IL1RAPL2: variants seen among roughly 807,000 people sequenced by gnomAD.
IL1RAPL2 encodes interleukin 1 receptor accessory protein like 2.
In IL1RAPL2, 3 loss-of-function variants were observed where a neutral mutation model predicts 44.1. The observed-to-expected ratio is 0.07, with a 90% CI of 0.03 to 0.18. The LOEUF (loss-of-function observed/expected upper bound fraction) is 0.18. Among genes scored for constraint, IL1RAPL2 ranks in the 10% least tolerant of loss-of-function variants. IL1RAPL2 has a pLI of 1.00. For missense variants in IL1RAPL2, 391 were observed against 496.4 expected, an observed-to-expected ratio of 0.79 and a Z score of 2.02; for synonymous variants, 181 against 178.8, an observed-to-expected ratio of 1.01 and a Z score of -0.10.
chrX:104,919,754 T>A (rs1924579026), intron 2 of IL1RAPL2, among the ~76,000 whole-genome samples: 1 of 105,429 alleles, frequency 9.5e-6, no homozygotes, highest in Non-Finnish European at 1.9e-5. Flanking sequence ...TTGGCCAGGC[T>A]GGTCTCAAAC....
chrX:105,367,333 C>T (rs1376192425), intron 5 of IL1RAPL2, among the ~76,000 whole-genome samples: 1 of 111,319 alleles, frequency 9.0e-6, no homozygotes, highest in African/African-American at 3.3e-5. Flanking sequence ...AACTTAAGTC[C>T]TTACCTATCA....
chrX:105,398,133 T>C lies in IL1RAPL2; in HGVS notation c.698-86180T>C, dbSNP rs1197964801. On this transcript the variant is annotated intron_variant, in intron 5 of 10. Coordinates refer to ENST00000372582, the MANE Select transcript of IL1RAPL2 (RefSeq NM_017416.2). ...TTGTTTTCCAACATGCTGCAGACAC[T>C]TGATATACAACCTTTTATTTTTTTA... Among the ~76,000 whole-genome samples the C allele has an allele frequency of 2.7e-5, 3 of 111,639 alleles. No individual in the cohort carries two copies. In the South Asian group the frequency reaches 1.1e-3, roughly 42 times the overall value.
intron 2 of IL1RAPL2, among the ~76,000 whole-genome samples, chrX:104,740,962 T>C (rs1252770119): frequency 9.0e-6 from 1 of 111,563 alleles, no homozygotes; most frequent in Non-Finnish European, 1.9e-5. Flanking sequence ...AACTCCAGTC[T>C]ACATTAAGAA....
rs139476053 is a variant in IL1RAPL2 at position 104,860,999 on chromosome X, T to C, written c.82+202004T>C. 4.5e-5 allele frequency among the ~76,000 whole-genome samples: 5 copies of C among 111,169 alleles called. No individual in the cohort carries two copies. The East Asian group carries it at 1.4e-3, about 31-fold the overall frequency. On this transcript the variant is annotated intron_variant, in intron 2 of 10. Transcript: ENST00000372582. ...CTTGGTGCATATGATCTGGCAAATA[T>C]GAACTTGACTTCTGCCTAGTATTTT...
chrX:105,059,453 G>A (rs2032042909), intron 2 of IL1RAPL2, among the ~76,000 whole-genome samples: 2 of 112,338 alleles, frequency 1.8e-5, no homozygotes, highest in Admixed American at 1.9e-4. Flanking sequence ...CAAATGACAG[G>A]ATCACATTCT....
intron 6 of IL1RAPL2, among the ~76,000 whole-genome samples, chrX:105,650,280 CT>C (rs2037634169): frequency 8.9e-6 from 1 of 111,820 alleles, no homozygotes; most frequent in Non-Finnish European, 1.9e-5. Context: ...AAAATTGCCC[CT>C]AACAGAGAGC....
At chrX:105,383,352 A>AAT (rs1202033842) in intron 5 of IL1RAPL2, among the ~76,000 whole-genome samples, 2 of 111,238 alleles carry the variant, frequency 1.8e-5, no homozygotes, top group Non-Finnish European at 3.8e-5. Flanking sequence ...GAGAACGTAC[A>AAT]ATATTTGTCT....
chrX:104,884,376 G>A (rs1169691421), intron 2 of IL1RAPL2, among the ~76,000 whole-genome samples: 1 of 111,993 alleles, frequency 8.9e-6, no homozygotes, highest in Non-Finnish European at 1.9e-5. Flanking sequence ...TTCTGCTGCT[G>A]CGTCAGTGAG....
At chrX:105,441,138 C>T (rs769240094) in intron 5 of IL1RAPL2, among the ~76,000 whole-genome samples, 1 of 111,881 alleles carries the variant, frequency 8.9e-6, no homozygotes, top group South Asian at 3.7e-4. Context: ...ACGTAAAGTG[C>T]TAGTAATTAC....
intron 5 of IL1RAPL2, among the ~76,000 whole-genome samples, chrX:105,447,340 AAT>A (rs1466918991): frequency 4.9e-5 from 3 of 61,008 alleles, no homozygotes; most frequent in Admixed American, 3.0e-4. Context: ...TAAAAATATA[AAT>A]ATATAAATAT....
intron 2 of IL1RAPL2, among the ~76,000 whole-genome samples, chrX:105,147,907 A>G (rs1229223832): frequency 2.7e-5 from 3 of 111,226 alleles, no homozygotes; most frequent in Non-Finnish European, 5.7e-5. Context: ...CGAGACTGCT[A>G]TAGAAAACAA....
At chrX:104,814,605 A>G (rs1921087327) in intron 2 of IL1RAPL2, among the ~76,000 whole-genome samples, 1 of 111,681 alleles carries the variant, frequency 9.0e-6, no homozygotes, top group African/African-American at 3.3e-5. Flanking sequence ...TCCCACTACC[A>G]TTTCTTTGAT....
intron 2 of IL1RAPL2, among the ~76,000 whole-genome samples, chrX:104,750,439 G>A (rs1932240117): frequency 9.0e-6 from 1 of 110,658 alleles, no homozygotes; most frequent in Non-Finnish European, 1.9e-5. Flanking sequence ...CATTTGAGGA[G>A]CTCCAAAAAC....
chrX:104,988,128 G>T (rs1230900935), intron 2 of IL1RAPL2, among the ~76,000 whole-genome samples: 1 of 112,140 alleles, frequency 8.9e-6, no homozygotes, highest in African/African-American at 3.2e-5. Flanking sequence ...CTGACCACTA[G>T]CTATCTGCTG....
chrX:105,719,917 A>G (rs971239836), intron 7 of IL1RAPL2, among the ~76,000 whole-genome samples: 5 of 111,802 alleles, frequency 4.5e-5, no homozygotes, highest in East Asian at 2.8e-4. Flanking sequence ...TTTGAAATCA[A>G]TACAACTGAA....
At chrX:105,073,023 G>A (rs1167190643) in intron 2 of IL1RAPL2, among the ~76,000 whole-genome samples, 2 of 106,633 alleles carry the variant, frequency 1.9e-5, no homozygotes, top group African/African-American at 3.6e-5. Flanking sequence ...TGGTGTATAT[G>A]TGCCACATTT....
intron 1 of IL1RAPL2, among the ~76,000 whole-genome samples, chrX:104,632,917 C>G (rs1308500988): frequency 9.0e-6 from 1 of 111,338 alleles, no homozygotes. Context: ...CTGTCTTGTG[C>G]CCGTTTTCAA....
intron 6 of IL1RAPL2, among the ~76,000 whole-genome samples, chrX:105,696,416 G>T (rs1349814419): frequency 9.0e-6 from 1 of 111,378 alleles, no homozygotes; most frequent in African/African-American, 3.3e-5. Flanking sequence ...GGATGTGGTT[G>T]ATCTGGACTA....
chrX:105,492,196 T>A (rs1380547924), intron 6 of IL1RAPL2, among the ~76,000 whole-genome samples: 1 of 111,745 alleles, frequency 8.9e-6, no homozygotes, highest in African/African-American at 3.2e-5. Flanking sequence ...GTAGTAGATA[T>A]TGTTGAATTA....
Sources: allele counts gnomAD v4.1 joint callset (sites outside exome capture counted in the v4.1 genomes callset), GRCh38; gene constraint gnomAD v4.1.1; transcripts MANE v1.5; gene names NCBI Gene and HGNC (gene_info 2026-07-23, HGNC 2026-07-21).